Variants in PRSS36 observed in about 807,000 individuals in gnomAD.
PRSS36 encodes polyserase-2.
In PRSS36, 90 loss-of-function variants were observed where a neutral mutation model predicts 94.3. The observed-to-expected ratio is 0.95, with a 90% CI of 0.80 to 1.14. The LOEUF is 1.14. Among genes scored for constraint, PRSS36 ranks in the 50% most tolerant of loss-of-function variants. The pLI is 0.00. For missense variants in PRSS36, 1,158 were observed against 1,135.0 expected, an observed-to-expected ratio of 1.02 and a Z score of -0.29; for synonymous variants, 500 against 489.6, an observed-to-expected ratio of 1.02 and a Z score of -0.28.
Position 31,141,966 on chromosome 16 carries a change from G to T in PRSS36, c.1522-6C>A. ...AGGCTCCAACGCGAGTCATTCTGCA[G>T]CAACAAAGTGTGTGTGTTACTTGCC... On this transcript the variant is annotated splice_region_variant and splice_polypyrimidine_tract_variant and intron_variant, in intron 10 of 14. Transcript: ENST00000268281. 1 of 1,613,080 alleles carries T rather than the reference G, an allele frequency of 6.2e-7. No homozygotes were observed. The highest frequency in any genetic ancestry group is 8.5e-7 in the Non-Finnish European group (1 of 1,179,104).
rs1332004211 is a variant in PRSS36, at chr16:31,141,980, G to A, written c.1522-20C>T. The A allele has an allele frequency of 6.2e-7, 1 of 1,605,770 alleles. No homozygotes were observed. Among genetic ancestry groups the A allele is most frequent in the Non-Finnish European group, 8.5e-7 (1 of 1,172,602 alleles). ...GTCATTCTGCAGCAACAAAGTGTGT[G>A]TGTTACTTGCCTCTGCGTGTGTGCA... is the stretch of plus-strand genomic sequence containing the variant. On this transcript the variant is annotated intron_variant, in intron 10 of 14. Transcript: ENST00000268281.
chr16:31,139,472 C>T, intron 14 of PRSS36, 56 bp from the exon 15 acceptor site: 3 of 1,569,662 alleles, frequency 1.9e-6, no homozygotes, highest in Non-Finnish European at 2.6e-6. Context: ...TGGTCCCCTC[C>T]CCCTTTCCCC....
chr16:31,145,625 T>G (rs1161831642), intron 6 of PRSS36, among the ~76,000 whole-genome samples, 164 bp downstream of exon 6: 1 of 152,106 alleles, frequency 6.6e-6, no homozygotes, highest in African/African-American at 2.4e-5. Context: ...GACGACAAAG[T>G]GAGGCTCTGT....
Position 31,148,524 on chromosome 16 carries a change from G to GGTGA in PRSS36, c.423_424insTCAC (p.Leu142SerfsTer102). On this transcript the variant is annotated frameshift_variant, in exon 5 of 15. Transcript: ENST00000268281. LOFTEE classifies it high-confidence loss of function. ...CTGGCGGGTGAGGCCAGGCGCAGCAGGGCCAGGTCGGCGCCCAGCTCCACT... is the reference window on the plus strand; with the variant it reads ...CTGGCGGGTGAGGCCAGGCGCAGCAGGTGAGGCCAGGTCGGCGCCCAGCTCCACT... 15 of 1,593,578 alleles carry GGTGA rather than the reference G, an allele frequency of 9.4e-6. No homozygotes were observed. The highest frequency in any genetic ancestry group is 1.3e-5 in the African/African-American group (1 of 74,546).
At chr16:31,148,721 G>C (rs772175332) in intron 4 of PRSS36, 46 bp from the exon 5 acceptor site, 3 of 1,603,760 alleles carry the variant, frequency 1.9e-6, no homozygotes, top group Non-Finnish European at 1.7e-6. Flanking sequence ...CCCTATGGAG[G>C]GGGCAGACCC....
chr16:31,149,024 G>A (rs2057850844), intron 4 of PRSS36, 49 bp downstream of exon 4: 2 of 1,517,430 alleles, frequency 1.3e-6, no homozygotes, highest in African/African-American at 1.4e-5. Flanking sequence ...CTGCGGGGGC[G>A]GGGGCCAGCT....
Position 31,144,019 on chromosome 16 carries a change from C to G in PRSS36, c.721-182G>C, listed in dbSNP as rs191394552. 2.6e-5 allele frequency among the ~76,000 whole-genome samples: 4 copies of G among 152,282 alleles called. No individual in the cohort carries two copies. The East Asian group carries it at 7.7e-4, about 29-fold the overall frequency. ...GAAGAAATCCCTGTAAGCAGAAGGC[C>G]GATGGCAGCCAGAGCCAAGAGCACC... is the stretch of plus-strand genomic sequence containing the variant. On this transcript the variant is annotated intron_variant, in intron 6 of 14. Transcript: ENST00000268281.
chr16:31,147,891 T>G (rs1411909102), intron 5 of PRSS36, among the ~76,000 whole-genome samples: 1 of 152,136 alleles, frequency 6.6e-6, no homozygotes, highest in Non-Finnish European at 1.5e-5. Flanking sequence ...TAGGCCAGCC[T>G]TATGCTGTAG....
At position 31,149,146 on chromosome 16, in the gene PRSS36, C is replaced by A; in HGVS notation, c.199G>T (p.Gly67Ter). ...TWPWQVSLHH[G>*]GGHICGGSLI... is the part of the protein sequence containing the mutation. ...GAGCCCCCGCAGATGTGGCCACCTC[C>A]ATGGTGCAGGCTCACTTGCCAAGGC... The change falls in exon 4 of 15, where the codon GGA (glycine) becomes TGA (stop). Residue 67 changes from glycine to a stop codon, truncating the protein, a stop_gained. Transcript: ENST00000268281. LOFTEE classifies it high-confidence loss of function. 1 of 1,579,656 alleles carries A rather than the reference C, an allele frequency of 6.3e-7. No homozygotes were observed. Among genetic ancestry groups the A allele is most frequent in the Non-Finnish European group, 8.6e-7 (1 of 1,163,918 alleles).
Position 31,138,997 on chromosome 16 carries a change from A to G in PRSS36, c.*141T>C. On this transcript the variant is annotated 3_prime_UTR_variant, in exon 15 of 15. Transcript: ENST00000268281. ...TTCCTGGGTTCAAAATAGCCCGGGC[A>G]CTGAGGCCCAATTAGCCAGAGCCGC... 2 of 946,186 alleles carry G rather than the reference A, an allele frequency of 2.1e-6. No individual in the cohort carries two copies. The highest frequency in any genetic ancestry group is 3.5e-5 in the South Asian group (2 of 56,460). The allele number at this position is 946,186 out of a possible 1,614,324, so 58.6% of individuals were successfully genotyped here. A position where few individuals can be genotyped will look rare whatever the true frequency, so the allele number is the denominator to read the frequency against.
chr16:31,142,402 AC>A (rs2057712817), intron 10 of PRSS36, 78 bp downstream of exon 10: 11 of 1,344,126 alleles, frequency 8.2e-6, no homozygotes, highest in Non-Finnish European at 1.1e-5. Context: ...GCCCACTTGG[AC>A]TCGCCTTCCA....
At position 31,139,264 on chromosome 16, in the gene PRSS36, G is replaced by C; in HGVS notation, c.2442C>G (p.Pro814=). The C allele has an allele frequency of 1.2e-6, 2 of 1,614,150 alleles. No homozygotes were observed. The highest frequency in any genetic ancestry group is 1.7e-6 in the Non-Finnish European group (2 of 1,180,014). The change falls in exon 15 of 15, where the codon CCC becomes CCG. Residue 814 remains proline, a synonymous_variant. Transcript: ENST00000268281. ...TGGGCCAGTGTGGGGAGCCACTGGG[G>C]GGCAGGAAGTTGGCCTCTCCCACTG... ...SQTVGEANFL[P]PSGSPHWPTG... is the part of the protein sequence containing the mutation.
intron 5 of PRSS36, among the ~76,000 whole-genome samples, chr16:31,148,071 T>C (rs2057824256): frequency 2.0e-5 from 3 of 152,028 alleles, no homozygotes; most frequent in Admixed American, 2.0e-4. Flanking sequence ...ATGTACTGGG[T>C]GAAGTGCTTT....
chr16:31,145,372 CAAAAAAA>C (rs376926791), intron 6 of PRSS36, among the ~76,000 whole-genome samples: 3 of 44,652 alleles, frequency 6.7e-5, no homozygotes, highest in African/African-American at 2.8e-4. Flanking sequence ...GACTCCGTCT[CAAAAAAA>C]AAAAAAAAAA....
intron 6 of PRSS36, among the ~76,000 whole-genome samples, chr16:31,144,230 A>G (rs187613322): frequency 1.3e-5 from 2 of 151,648 alleles, no homozygotes; most frequent in East Asian, 3.9e-4. Flanking sequence ...GCTGGAGTGC[A>G]GTGGTGCAAC....
intron 12 of PRSS36, 51 bp from the exon 13 acceptor site, chr16:31,140,808 A>T: frequency 6.3e-7 from 1 of 1,594,548 alleles, no homozygotes; most frequent in Non-Finnish European, 8.6e-7. Flanking sequence ...TTGCTGGCAA[A>T]GTCCTTCCCA....
Position 31,149,054 on chromosome 16 carries a change from G to T in PRSS36, c.272+19C>A. 1 of 1,574,906 alleles carries T rather than the reference G, an allele frequency of 6.3e-7. No homozygotes were observed. Among genetic ancestry groups the T allele is most frequent in the South Asian group, 1.2e-5 (1 of 85,966 alleles). On this transcript the variant is annotated intron_variant, in intron 4 of 14. Coordinates refer to ENST00000268281, the MANE Select transcript of PRSS36 (RefSeq NM_173502.5). ...CCAGCTTTTGGCGGAGAGGGGCCAG[G>T]ACCAGGGCGAATACTCACGTCATGA...
chr16:31,142,700 C>T, intron 9 of PRSS36, 37 bp downstream of exon 9: 3 of 1,348,724 alleles, frequency 2.2e-6, no homozygotes, highest in Non-Finnish European at 2.9e-6. Context: ...CCTGCACCGC[C>T]CGGTGCCGCC....
intron 6 of PRSS36, among the ~76,000 whole-genome samples, chr16:31,144,457 GAGCCATTGTGCCC>G (rs1173725371): frequency 6.6e-6 from 1 of 152,202 alleles, no homozygotes; most frequent in East Asian, 1.9e-4. Context: ...TTACAGGCGT[GAGCCATTGTGCCC>G]AGCCAGTTTG....
Sources: allele counts gnomAD v4.1 joint callset (sites outside exome capture counted in the v4.1 genomes callset), GRCh38; gene constraint gnomAD v4.1.1; transcripts MANE v1.5; gene names NCBI Gene and HGNC (gene_info 2026-07-23, HGNC 2026-07-21).